MSN: variants seen among roughly 807,000 people sequenced by gnomAD.
MSN encodes moesin, also known as epididymis luminal protein 70.
MSN carries 2 observed loss-of-function variants against 48.0 expected under a neutral mutation model. That is an observed-to-expected ratio of 0.04 (90% confidence interval 0.02 to 0.13). The LOEUF (loss-of-function observed/expected upper bound fraction) is 0.13. MSN is among the 10% of genes least tolerant of loss of function. MSN has a pLI of 1.00. For synonymous variants in MSN, 146 were observed against 166.9 expected (o/e 0.87, Z 0.97); for missense variants, 267 against 470.1 (o/e 0.57, Z 3.99).
chrX:65,592,973 G>A (rs777666295), intron 1 of MSN, among the ~76,000 whole-genome samples: 2 of 111,438 alleles, frequency 1.8e-5, no homozygotes, highest in South Asian at 3.8e-4. Context: ...CCCAGGAGAA[G>A]GAGGTTGCAA....
chrX:65,681,259 T>C (rs1419102121), intron 1 of MSN, among the ~76,000 whole-genome samples: 1 of 111,954 alleles, frequency 8.9e-6, no homozygotes, highest in Non-Finnish European at 1.9e-5. Context: ...ACTTCTGTTA[T>C]GTTATTTACC....
intron 4 of MSN, among the ~76,000 whole-genome samples, chrX:65,730,352 T>G (rs748782634): frequency 1.8e-5 from 2 of 111,863 alleles, no homozygotes; most frequent in African/African-American, 3.3e-5. Context: ...CCTGGAAGCT[T>G]AGCACCTTAA....
intron 1 of MSN, among the ~76,000 whole-genome samples, chrX:65,639,222 C>T (rs968701188): frequency 7.2e-5 from 8 of 111,355 alleles, no homozygotes; most frequent in East Asian, 2.8e-4. Flanking sequence ...TGGCTCACTG[C>T]GACCTCCGCT....
chrX:65,671,903 C>T (rs1466461830), intron 1 of MSN, among the ~76,000 whole-genome samples: 1 of 111,940 alleles, frequency 8.9e-6, no homozygotes, highest in African/African-American at 3.2e-5. Context: ...CTCTAGCTGC[C>T]TGCAACAGTA....
At chrX:65,713,111 T>TA (rs1385116538) in intron 1 of MSN, among the ~76,000 whole-genome samples, 1 of 112,118 alleles carries the variant, frequency 8.9e-6, no homozygotes, top group Non-Finnish European at 1.9e-5. Flanking sequence ...TGCTGCCTGT[T>TA]ACTATTACTA....
At chrX:65,618,862 T>A (rs2070403317) in intron 1 of MSN, among the ~76,000 whole-genome samples, 1 of 111,651 alleles carries the variant, frequency 9.0e-6, no homozygotes, top group African/African-American at 3.3e-5. Flanking sequence ...TTCCTTTCCA[T>A]GTTTAGTGCT....
At chrX:65,691,405 G>A (rs139887537) in intron 1 of MSN, among the ~76,000 whole-genome samples, 1,353 of 112,084 alleles carry the variant, frequency 0.012, 15 homozygotes, top group African/African-American at 0.041. Flanking sequence ...TGGCTGTCTG[G>A]CACCTCTTGG....
intron 1 of MSN, among the ~76,000 whole-genome samples, chrX:65,591,233 C>T (rs1300884975): frequency 9.0e-6 from 1 of 111,664 alleles, no homozygotes; most frequent in Admixed American, 9.6e-5. Flanking sequence ...GCTTGCTCTT[C>T]CTCTATGGGG....
chrX:65,731,982 C>T lies in MSN; in HGVS notation c.696C>T (p.Asp232=). 1.7e-6 allele frequency: 2 copies of T among 1,207,381 alleles called. No homozygotes were observed. The highest frequency in any genetic ancestry group is 3.6e-5 in the South Asian group (2 of 56,218). Residue 232 remains aspartate (D), a splice_region_variant and synonymous_variant, in exon 6 of 13, where the codon GAC becomes GAT. Coordinates refer to ENST00000360270, the MANE Select transcript of MSN (RefSeq NM_002444.3). ...GTCTCAACATCTATGAGCAGAATGA[C>T]AGGTATATCTCAGATCTCTTTTAGT... ...ALGLNIYEQN[D]RLTPKIGFPW... is the part of the protein sequence containing the mutation.
chrX:65,664,276 C>T (rs2070849492), upstream of MSN, among the ~76,000 whole-genome samples: 1 of 110,600 alleles, frequency 9.0e-6, no homozygotes. Context: ...ACATTGAGCA[C>T]CTACAGACAT....
chrX:65,680,170 A>C (rs780432759), intron 1 of MSN, among the ~76,000 whole-genome samples: 2 of 111,858 alleles, frequency 1.8e-5, no homozygotes, highest in South Asian at 7.4e-4. Flanking sequence ...CTTTTTTTAT[A>C]TTTCCCCTTT....
intron 1 of MSN, among the ~76,000 whole-genome samples, chrX:65,706,526 A>G (rs1156733548): frequency 1.8e-5 from 2 of 112,000 alleles, no homozygotes; most frequent in Non-Finnish European, 3.8e-5. Context: ...GCTGACTCAC[A>G]ACCTCTGCCC....
At chrX:65,706,557 C>T (rs1267618665) in intron 1 of MSN, among the ~76,000 whole-genome samples, 1 of 112,081 alleles carries the variant, frequency 8.9e-6, no homozygotes, top group Non-Finnish European at 1.9e-5. Flanking sequence ...AGGGGACCTT[C>T]CCAAGCAGTG....
intron 1 of MSN, among the ~76,000 whole-genome samples, chrX:65,670,357 A>G (rs1208770915): frequency 8.9e-6 from 1 of 111,976 alleles, no homozygotes; most frequent in Non-Finnish European, 1.9e-5. Context: ...CAGCATGTCT[A>G]CAACCTATCT....
chrX:65,630,259 A>T (rs780964901), intron 1 of MSN, among the ~76,000 whole-genome samples: 26 of 110,799 alleles, frequency 2.3e-4, no homozygotes, highest in African/African-American at 7.9e-4. Flanking sequence ...CAAAATGTAA[A>T]ACATTTGTGT....
At chrX:65,665,515 T>A (rs191021403), upstream of MSN, among the ~76,000 whole-genome samples, 3 of 111,815 alleles carry the variant, frequency 2.7e-5, no homozygotes, top group East Asian at 8.4e-4. Context: ...ATGAATCTTG[T>A]TAGCAGTGAG....
chrX:65,652,060 C>A (rs916704588), intron 1 of MSN, among the ~76,000 whole-genome samples: 2 of 108,685 alleles, frequency 1.8e-5, no homozygotes, highest in Admixed American at 2.0e-4. Context: ...AGACCAGCCT[C>A]TACTTTCATC....
At chrX:65,693,578 A>AT (rs764559456) in intron 1 of MSN, among the ~76,000 whole-genome samples, 1 of 111,892 alleles carries the variant, frequency 8.9e-6, no homozygotes, top group South Asian at 3.7e-4. Flanking sequence ...TCTTCCTGCG[A>AT]TTTTTTTGGG....
chrX:65,688,097 A>T (rs769992775), intron 1 of MSN, among the ~76,000 whole-genome samples: 1 of 111,937 alleles, frequency 8.9e-6, no homozygotes, highest in East Asian at 2.8e-4. Flanking sequence ...TTGCCCTGTA[A>T]TTTTTTTCCA....
Sources: gnomAD v4.1 joint callset for allele counts (sites outside exome capture counted in the v4.1 genomes callset) on GRCh38, gnomAD v4.1.1 for gene constraint, MANE v1.5 for transcripts, NCBI Gene and HGNC (gene_info 2026-07-23, HGNC 2026-07-21) for gene names.